Variants in MICAL3 observed in about 807,000 individuals in gnomAD.
MICAL3 encodes the protein microtubule associated monooxygenase, calponin and LIM domain containing 3.
MICAL3 carries 62 observed loss-of-function variants against 207.4 expected under a neutral mutation model. The observed-to-expected ratio is 0.30, with a 90% CI of 0.24 to 0.37. MICAL3 has a LOEUF of 0.37. MICAL3 is among the 10% of genes least tolerant of loss of function. MICAL3 has a pLI of 1.00. For missense variants in MICAL3, 2,368 were observed against 2,635.6 expected, an observed-to-expected ratio of 0.90 and a Z score of 2.22; for synonymous variants, 1,077 against 1,069.3, an observed-to-expected ratio of 1.01 and a Z score of -0.14.
At chr22:17,858,231 G>T (rs1222732487) in intron 19 of MICAL3, among the ~76,000 whole-genome samples, 1 of 152,132 alleles carries the variant, frequency 6.6e-6, no homozygotes, top group Non-Finnish European at 1.5e-5. Context: ...AAAGAAAGAG[G>T]TGTTGGCAGC....
At chr22:17,989,566 C>T (rs1453542205) in intron 1 of MICAL3, among the ~76,000 whole-genome samples, 1 of 152,160 alleles carries the variant, frequency 6.6e-6, no homozygotes, top group Non-Finnish European at 1.5e-5. Flanking sequence ...CACGCTCAAC[C>T]CTGAGCCTGC....
At chr22:17,862,816 C>G in intron 19 of MICAL3, 1 of 985,472 alleles carries the variant, frequency 1.0e-6, no homozygotes, top group South Asian at 4.7e-5. Flanking sequence ...GAGGGTAAGC[C>G]CCTCAGCCCT....
chr22:17,853,364 G>A (rs1413245629), intron 19 of MICAL3, among the ~76,000 whole-genome samples: 1 of 152,188 alleles, frequency 6.6e-6, no homozygotes, highest in East Asian at 1.9e-4. Flanking sequence ...CCCAGCTTCT[G>A]TTGGCTGAAG....
At chr22:17,988,702 C>T (rs1346184573) in intron 1 of MICAL3, among the ~76,000 whole-genome samples, 1 of 152,116 alleles carries the variant, frequency 6.6e-6, no homozygotes, top group South Asian at 2.1e-4. Context: ...GTAATCCACC[C>T]GCCTCAGCCT....
intron 19 of MICAL3, among the ~76,000 whole-genome samples, chr22:17,850,121 T>C (rs1434845865): frequency 6.6e-6 from 1 of 152,142 alleles, no homozygotes; most frequent in Non-Finnish European, 1.5e-5. Flanking sequence ...TTCAGTTGCT[T>C]TGAAGATACT....
chr22:17,985,420 G>A (rs1920966530), intron 1 of MICAL3, among the ~76,000 whole-genome samples: 1 of 152,038 alleles, frequency 6.6e-6, no homozygotes, highest in Non-Finnish European at 1.5e-5. Flanking sequence ...GATGTTTGCT[G>A]GATCTGTCTG....
intron 19 of MICAL3, chr22:17,860,714 C>A (rs981926170): frequency 2.0e-6 from 2 of 985,416 alleles, no homozygotes; most frequent in African/African-American, 3.5e-5. Context: ...CAGCCCCCTG[C>A]GTTCCTAGTC....
chr22:17,996,522 T>A (rs1274309123), intron 1 of MICAL3, among the ~76,000 whole-genome samples: 1 of 151,798 alleles, frequency 6.6e-6, no homozygotes, highest in Non-Finnish European at 1.5e-5. Context: ...TTTTTTTGTG[T>A]CTTTATAGCT....
chr22:17,952,912 G>A (rs1450745025), intron 1 of MICAL3, among the ~76,000 whole-genome samples: 2 of 152,192 alleles, frequency 1.3e-5, no homozygotes, highest in African/African-American at 4.8e-5. Context: ...TCAGAGCACG[G>A]TTGTAACATA....
At chr22:17,913,314 A>G (rs538487053) in intron 1 of MICAL3, among the ~76,000 whole-genome samples, 130 of 152,294 alleles carry the variant, frequency 8.5e-4, no homozygotes, top group African/African-American at 2.9e-3. Flanking sequence ...AGTAGAAATA[A>G]GTCGTGTTTC....
chr22:17,922,539 C>T (rs1414750909), intron 1 of MICAL3, among the ~76,000 whole-genome samples: 1 of 152,040 alleles, frequency 6.6e-6, no homozygotes, highest in Non-Finnish European at 1.5e-5. Flanking sequence ...CAGGATGATC[C>T]TCACCTTTTT....
intron 29 of MICAL3, among the ~76,000 whole-genome samples, chr22:17,805,330 G>A (rs576806557): frequency 6.6e-5 from 10 of 151,754 alleles, no homozygotes; most frequent in Non-Finnish European, 1.3e-4. Flanking sequence ...AGACGGCATC[G>A]GCCAAGGAGG....
chr22:17,816,623 C>T, intron 27 of MICAL3, 67 bp downstream of exon 27: 3 of 1,297,600 alleles, frequency 2.3e-6, no homozygotes, highest in South Asian at 2.5e-5. Context: ...CTCCTCTACC[C>T]CACCAAAGCC....
At chr22:17,830,322 C>G (rs971898731) in intron 21 of MICAL3, among the ~76,000 whole-genome samples, 1 of 152,202 alleles carries the variant, frequency 6.6e-6, no homozygotes, top group Admixed American at 6.5e-5. Flanking sequence ...GTCTGGGACT[C>G]TCGGAGTTTG....
In MICAL3 at chr22:17,817,448, G is replaced by A. The variant is rs1234351982; in HGVS notation, c.5213C>T (p.Ser1738Phe). The A allele has an allele frequency of 1.9e-6, 3 of 1,613,750 alleles. No homozygotes were observed. Among genetic ancestry groups the A allele is most frequent in the Non-Finnish European group, 2.5e-6 (3 of 1,179,866 alleles). ...CCCGGAGAAGACGGACTTCCACAGG[G>A]ACTTGGGTTTGGCGGCGGCTTCTTC... is the stretch of plus-strand genomic sequence containing the variant. Reference protein sequence around the residue: ...LLEEAAAKPKSLWKSVFSGYK... With the variant: ...LLEEAAAKPKFLWKSVFSGYK... Residue 1738 changes from serine (S) to phenylalanine (F), a missense_variant, in exon 26 of 32, where the codon TCC (serine) becomes TTC (phenylalanine). Ser to Phe is a radical substitution (Grantham distance 155). Coordinates refer to ENST00000441493, the MANE Select transcript of MICAL3 (RefSeq NM_015241.3).
At chr22:17,960,107 G>A (rs572659948) in intron 1 of MICAL3, among the ~76,000 whole-genome samples, 7 of 152,182 alleles carry the variant, frequency 4.6e-5, no homozygotes, top group Non-Finnish European at 8.8e-5. Flanking sequence ...CACAGTTCCC[G>A]GAAGGCATCT....
intron 19 of MICAL3, chr22:17,863,901 G>A (rs1602083980): frequency 2.0e-6 from 2 of 985,440 alleles, no homozygotes; most frequent in East Asian, 1.1e-4. Context: ...ATTTTTATGA[G>A]TTTTGTATAT....
chr22:17,843,711 C>T (rs1451050237), intron 19 of MICAL3, among the ~76,000 whole-genome samples: 2 of 152,228 alleles, frequency 1.3e-5, no homozygotes, highest in African/African-American at 4.8e-5. Context: ...AGCAGCAAGT[C>T]TGGTGTCCAG....
intron 1 of MICAL3, among the ~76,000 whole-genome samples, chr22:17,944,292 A>G (rs928912894): frequency 1.3e-5 from 2 of 152,192 alleles, no homozygotes; most frequent in African/African-American, 4.8e-5. Flanking sequence ...CCCAGAAAAC[A>G]CTGGCCATCT....
Sources: allele counts gnomAD v4.1 joint callset (sites outside exome capture counted in the v4.1 genomes callset), GRCh38; gene constraint gnomAD v4.1.1; transcripts MANE v1.5; gene names NCBI Gene and HGNC (gene_info 2026-07-23, HGNC 2026-07-21).